The following SLC26A3 variants were observed in gnomAD, a reference collection of about 807,000 sequenced individuals.
The protein encoded by SLC26A3 is solute carrier family 26 member 3.
Under a neutral mutation model 85.6 loss-of-function variants are expected in SLC26A3, and 64 were observed. That is an observed-to-expected ratio of 0.75 (90% confidence interval 0.61 to 0.92). The LOEUF (loss-of-function observed/expected upper bound fraction) is 0.92. Ranked by LOEUF, SLC26A3 falls within the 40% of genes least tolerant of loss-of-function variation. SLC26A3 has a pLI of 0.00. For missense variants in SLC26A3, 922 were observed against 927.3 expected, an observed-to-expected ratio of 0.99 and a Z score of 0.07; for synonymous variants, 349 against 336.0, an observed-to-expected ratio of 1.04 and a Z score of -0.42.
Position 107,779,168 on chromosome 7 carries a change from G to A in SLC26A3, c.1407+500C>T, listed in dbSNP as rs532057822. 1.9e-4 allele frequency among the ~76,000 whole-genome samples: 29 copies of A among 152,260 alleles called. 1 individual carries two copies. The highest frequency in any genetic ancestry group is 3.8e-4 in the Non-Finnish European group (26 of 68,020). ...CTAGTTATGATCTTTAAATACCTAA[G>A]GGTATGTTAACAGGCATTTTTACAC... On this transcript the variant is annotated intron_variant, in intron 12 of 20. Transcript: ENST00000340010.
At chr7:107,782,067 C>G (rs1794223232) in intron 11 of SLC26A3, among the ~76,000 whole-genome samples, 1 of 151,978 alleles carries the variant, frequency 6.6e-6, no homozygotes, top group East Asian at 1.9e-4. Context: ...GTAATTTGCC[C>G]AAAATCACAC....
At chr7:107,801,068 C>T (rs1794591272) in intron 1 of SLC26A3, among the ~76,000 whole-genome samples, 1 of 152,178 alleles carries the variant, frequency 6.6e-6, no homozygotes. Flanking sequence ...TTCTGTAAGG[C>T]TTTGAGATTT....
At chr7:107,781,813 C>T (rs1474256679) in intron 11 of SLC26A3, among the ~76,000 whole-genome samples, 1 of 152,028 alleles carries the variant, frequency 6.6e-6, no homozygotes, top group Non-Finnish European at 1.5e-5. Flanking sequence ...TAGGTAACAG[C>T]CAATAGACAT....
At chr7:107,790,695 T>A (rs1294945040) in intron 5 of SLC26A3, among the ~76,000 whole-genome samples, 4 of 152,314 alleles carry the variant, frequency 2.6e-5, no homozygotes, top group African/African-American at 9.6e-5. Context: ...GTATGACGAT[T>A]TCTTGTATAC....
intron 3 of SLC26A3, among the ~76,000 whole-genome samples, chr7:107,792,198 T>C (rs1328731485): frequency 6.6e-6 from 1 of 152,160 alleles, no homozygotes; most frequent in African/African-American, 2.4e-5. Context: ...TCCCCAACCT[T>C]TTTGGCACCA....
chr7:107,793,341 A>G (rs1794435786), intron 3 of SLC26A3, among the ~76,000 whole-genome samples: 1 of 152,232 alleles, frequency 6.6e-6, no homozygotes, highest in South Asian at 2.1e-4. Context: ...GAAACAACTC[A>G]AATGTTCATC....
In SLC26A3 at chr7:107,770,021, TC is replaced by T. The variant is rs1344881954; in HGVS notation, c.2062+2032del. Among the ~76,000 whole-genome samples the T allele has an allele frequency of 3.3e-4, 13 of 39,580 alleles. 1 individual carries two copies. Among genetic ancestry groups the T allele is most frequent in the Admixed American group, 1.5e-3 (7 of 4,660 alleles). 26.0% of individuals were successfully genotyped at this position (39,580 alleles called of 152,430 possible). ...TTTTCTCTTTCTTTCTTTCTTTCTTTCTTTCTTTCTTTCTTTCTTTCTTTCT... is the reference window on the plus strand; with the variant it reads ...TTTTCTCTTTCTTTCTTTCTTTCTTTTTTCTTTCTTTCTTTCTTTCTTTCT... On this transcript the variant is annotated intron_variant, in intron 18 of 20. Transcript: ENST00000340010.
chr7:107,784,378 A>C (rs1354426682), intron 8 of SLC26A3, among the ~76,000 whole-genome samples: 10 of 152,154 alleles, frequency 6.6e-5, no homozygotes, highest in Non-Finnish European at 1.3e-4. Context: ...ACTTGGGTTC[A>C]TTTCCTGGCT....
chr7:107,771,306 G>C (rs1008184969), intron 18 of SLC26A3, among the ~76,000 whole-genome samples: 1 of 152,200 alleles, frequency 6.6e-6, no homozygotes, highest in Non-Finnish European at 1.5e-5. Context: ...ATCCACAGTC[G>C]AGTCCATTGG....
At position 107,778,360 on chromosome 7, in the gene SLC26A3, C is replaced by CTT. The variant is rs10681903; in HGVS notation, c.1408-81_1408-80dup. Reference sequence around the variant, plus strand: ...GTCGAGACGGGGTCTTTTAAAAAGACTTTTTTTTTTTTTTTTTGTAGCGAC... The same window carrying CTT: ...GTCGAGACGGGGTCTTTTAAAAAGACTTTTTTTTTTTTTTTTTTTGTAGCGAC... On this transcript the variant is annotated intron_variant, in intron 12 of 20. Transcript: ENST00000340010. 3.7e-3 allele frequency: 1,692 copies of CTT among 462,054 alleles called. 16 individuals carry two copies. Among genetic ancestry groups the CTT allele is most frequent in the Non-Finnish European group, 4.0e-3 (1,080 of 270,416 alleles). 28.6% of individuals were successfully genotyped at this position (462,054 alleles called of 1,614,324 possible). A position where few individuals can be genotyped will look rare whatever the true frequency, so the allele number is the denominator to read the frequency against.
chr7:107,791,321 G>A (rs1584411306), intron 4 of SLC26A3, 86 bp from the exon 5 acceptor site: 6 of 1,420,934 alleles, frequency 4.2e-6, no homozygotes, highest in Non-Finnish European at 6.0e-6. Flanking sequence ...CATATAAAAT[G>A]ACTGGCAAGG....
intron 11 of SLC26A3, among the ~76,000 whole-genome samples, chr7:107,781,512 G>T (rs1004060942): frequency 6.6e-6 from 1 of 152,168 alleles, no homozygotes; most frequent in Non-Finnish European, 1.5e-5. Context: ...TACACCCGGG[G>T]AGAAGCATGA....
At chr7:107,770,000 C>CTCTTTCTTTCTTT (rs1793979714) in intron 18 of SLC26A3, among the ~76,000 whole-genome samples, 2 of 130,994 alleles carry the variant, frequency 1.5e-5, no homozygotes, top group Non-Finnish European at 3.3e-5. Context: ...TTCCTTTTTT[C>CTCTTTCTTTCTTT]TCTTTCTTTC....
At position 107,768,503 on chromosome 7, in the gene SLC26A3, G is replaced by A. The variant is rs148344019; in HGVS notation, c.2063-595C>T. Among the ~76,000 whole-genome samples the A allele has an allele frequency of 5.5e-3, 845 of 152,290 alleles. 6 individuals carry two copies. Among genetic ancestry groups the A allele is most frequent in the South Asian group, 0.016 (77 of 4,830 alleles). On this transcript the variant is annotated intron_variant, in intron 18 of 20. Coordinates refer to ENST00000340010, the MANE Select transcript of SLC26A3 (RefSeq NM_000111.3). ...GTGCAAAACTCTGGCTGAGTAATAA[G>A]AAAGATCAAAAGATAAATTAGACCT...
chr7:107,772,045 G>T lies in SLC26A3; in HGVS notation c.2062+9C>A. On this transcript the variant is annotated intron_variant, in intron 18 of 20. Transcript: ENST00000340010. ...TGTCAGAACATAAAACAAAAATAAA[G>T]CCACTTACCATCAGTTCCAACGATA... 1 of 1,606,030 alleles carries T rather than the reference G, an allele frequency of 6.2e-7. No homozygotes were observed.
intron 6 of SLC26A3, among the ~76,000 whole-genome samples, chr7:107,788,031 C>T (rs1368739094): frequency 6.6e-6 from 1 of 152,170 alleles, no homozygotes; most frequent in Non-Finnish European, 1.5e-5. Flanking sequence ...TATGCATGTG[C>T]ACATACTTCT....
chr7:107,800,966 G>A (rs1794589368), intron 1 of SLC26A3, among the ~76,000 whole-genome samples: 1 of 152,220 alleles, frequency 6.6e-6, no homozygotes, highest in African/African-American at 2.4e-5. Context: ...TTGGCCCATA[G>A]GCTAAACCAT....
At position 107,783,099 on chromosome 7, in the gene SLC26A3, A is replaced by G; in HGVS notation, c.1120-6T>C. On this transcript the variant is annotated splice_region_variant and splice_polypyrimidine_tract_variant and intron_variant, in intron 9 of 20. Coordinates refer to ENST00000340010, the MANE Select transcript of SLC26A3 (RefSeq NM_000111.3). ...AGTCCCAAGGCTATTAACTCCTGACAGGAAGACAAGAATGAACCTTTTTCA... is the reference window on the plus strand; with the variant it reads ...AGTCCCAAGGCTATTAACTCCTGACGGGAAGACAAGAATGAACCTTTTTCA... 6.2e-7 allele frequency: 1 copy of G among 1,613,898 alleles called. No homozygotes were observed. Among genetic ancestry groups the G allele is most frequent in the Non-Finnish European group, 8.5e-7 (1 of 1,179,726 alleles).
At chr7:107,769,061 G>C (rs1387028594) in intron 18 of SLC26A3, among the ~76,000 whole-genome samples, 1 of 152,182 alleles carries the variant, frequency 6.6e-6, no homozygotes, top group Non-Finnish European at 1.5e-5. Flanking sequence ...AAAATTGTTA[G>C]TAAATTAAAG....
Sources: gnomAD v4.1 joint callset for allele counts (sites outside exome capture counted in the v4.1 genomes callset) on GRCh38, gnomAD v4.1.1 for gene constraint, MANE v1.5 for transcripts, NCBI Gene and HGNC (gene_info 2026-07-23, HGNC 2026-07-21) for gene names.